The following CENPF variants were observed in gnomAD, a reference collection of about 807,000 sequenced individuals.
CENPF encodes the protein AH antigen.
A neutral mutation model predicts 307.3 loss-of-function variants in CENPF; 214 were observed. The observed-to-expected ratio is 0.70, with a 90% CI of 0.62 to 0.78. CENPF has a LOEUF of 0.78. Among genes scored for constraint, CENPF ranks in the 30% least tolerant of loss-of-function variants. CENPF has a pLI of 0.00. For missense variants in CENPF, 3,401 were observed against 3,483.9 expected, an observed-to-expected ratio of 0.98 and a Z score of 0.60; for synonymous variants, 1,259 against 1,270.6, an observed-to-expected ratio of 0.99 and a Z score of 0.19.
Position 214,646,239 on chromosome 1 carries a change from A to G in CENPF, c.6669A>G (p.Gln2223=). 6.2e-7 allele frequency: 1 copy of G among 1,613,666 alleles called. No individual in the cohort carries two copies. Residue 2223 remains glutamine (Q), a synonymous_variant, in exon 13 of 20, where the codon CAA becomes CAG. Transcript: ENST00000366955. The part of the protein sequence containing the change: ...ENLTKQIQEK[Q]GQLSELDKLL... Reference sequence around the variant, plus strand: ...TGACAAAACAAATACAAGAAAAACAAGGTCAGTTGTCAGAACTAGACAAGT... The same window carrying G: ...TGACAAAACAAATACAAGAAAAACAGGGTCAGTTGTCAGAACTAGACAAGT...
rs1050196002 is a variant in CENPF, at chr1:214,658,833, A to G, written c.8963-17A>G. The G allele has an allele frequency of 6.2e-7, 1 of 1,605,472 alleles. No individual in the cohort carries two copies. The highest frequency in any genetic ancestry group is 8.5e-7 in the Non-Finnish European group (1 of 1,173,954). ...ATTGGACCTAGCAGTGCTGACAGTT[A>G]TTTTTTTTGCCCTTAGGGTTTGCTG... On this transcript the variant is annotated splice_polypyrimidine_tract_variant and intron_variant, in intron 18 of 19. Coordinates refer to ENST00000366955, the MANE Select transcript of CENPF (RefSeq NM_016343.4).
intron 7 of CENPF, among the ~76,000 whole-genome samples, chr1:214,622,728 T>TTAA (rs1448360680): frequency 1.4e-5 from 2 of 140,474 alleles, no homozygotes; most frequent in Admixed American, 1.4e-4. Context: ...GGATCGTAAG[T>TTAA]ATTTAGGGGG....
Position 214,603,244 on chromosome 1 carries a change from G to C in CENPF, c.-119G>C, listed in dbSNP as rs959717251. The C allele has an allele frequency of 6.6e-6, 1 of 152,428 alleles. No homozygotes were observed. Among genetic ancestry groups the C allele is most frequent in the African/African-American group, 2.4e-5 (1 of 41,468 alleles). The allele number at this position is 152,428 out of a possible 1,614,324, so 9.4% of individuals were successfully genotyped here. ...TGGCGGCTGCGGGCAGTTTGAATTA[G>C]ACTCTGGGCTCCAGCCCGCCGAAGC... On this transcript the variant is annotated 5_prime_UTR_variant, in exon 1 of 20. Coordinates refer to ENST00000366955, the MANE Select transcript of CENPF (RefSeq NM_016343.4).
At chr1:214,654,377 A>C (rs1002543677) in intron 16 of CENPF, 4 of 152,464 alleles carry the variant, frequency 2.6e-5, no homozygotes, top group African/African-American at 9.7e-5. Context: ...ATTTGAGACC[A>C]GCCTGGGCAA....
rs773306488 is a variant in CENPF at position 214,642,666 on chromosome 1, A to C, written c.4328A>C (p.Lys1443Thr). 6.2e-7 allele frequency: 1 copy of C among 1,614,156 alleles called. No homozygotes were observed. The highest frequency in any genetic ancestry group is 8.5e-7 in the Non-Finnish European group (1 of 1,180,018). Residue 1443 changes from lysine (K) to threonine (T), a missense_variant, in exon 12 of 20, where the codon AAG becomes ACG. By Grantham distance (78) the Lys-to-Thr change is moderately conservative. Transcript: ENST00000366955. ...SELQTYVDSL[K>T]AENLVLSTNL... ...CTGCAGACCTATGTTGACTCATTAAAGGCCGAAAATTTGGTCTTGTCAACG... is the reference window on the plus strand; with the variant it reads ...CTGCAGACCTATGTTGACTCATTAACGGCCGAAAATTTGGTCTTGTCAACG...
intron 1 of CENPF, among the ~76,000 whole-genome samples, chr1:214,611,524 C>A (rs1366869352): frequency 6.6e-6 from 1 of 152,174 alleles, no homozygotes. Flanking sequence ...TGCCACCACA[C>A]CCAGCTAATC....
At chr1:214,621,065 A>G in intron 6 of CENPF, 119 bp downstream of exon 6, 2 of 817,826 alleles carry the variant, frequency 2.4e-6, no homozygotes, top group Middle Eastern at 7.2e-4. Flanking sequence ...TCGGTGTTCA[A>G]CATCCTAGAC....
chr1:214,627,259 A>G (rs1346491434), intron 7 of CENPF, among the ~76,000 whole-genome samples: 2 of 151,298 alleles, frequency 1.3e-5, no homozygotes, highest in African/African-American at 4.9e-5. Context: ...GAGGTTCACC[A>G]TGTTGCCCAA....
chr1:214,661,517 GCA>G (rs1391345936), intron 19 of CENPF, among the ~76,000 whole-genome samples: 1 of 152,182 alleles, frequency 6.6e-6, no homozygotes, highest in Non-Finnish European at 1.5e-5. Flanking sequence ...AGGTCATTTA[GCA>G]AGACCTTTAG....
chr1:214,645,206 G>T lies in CENPF; in HGVS notation c.5636G>T (p.Arg1879Leu), dbSNP rs555193833. The T allele has an allele frequency of 2.5e-5, 41 of 1,614,006 alleles. No individual in the cohort carries two copies. The South Asian group carries it at 3.6e-4, about 14-fold the overall frequency. ...DLEMHADKSS[R>L]EDIGDNVAKV... is the part of the protein sequence containing the mutation. ...GAAATGCATGCAGATAAATCATCAC[G>T]TGAAGATATTGGAGATAATGTGGCC... The change falls in exon 13 of 20, where the codon CGT becomes CTT. Residue 1879 changes from arginine to leucine, a missense_variant. By Grantham distance (102) the Arg-to-Leu change is moderately radical. Transcript: ENST00000366955.
intron 11 of CENPF, among the ~76,000 whole-genome samples, chr1:214,639,097 T>C (rs1658036917): frequency 1.3e-5 from 2 of 152,226 alleles, no homozygotes; most frequent in Non-Finnish European, 1.5e-5. Context: ...TCTGAGATTG[T>C]AATACATGTT....
intron 11 of CENPF, among the ~76,000 whole-genome samples, 195 bp downstream of exon 11, chr1:214,638,196 T>A (rs1439656776): frequency 6.6e-6 from 1 of 152,156 alleles, no homozygotes; most frequent in Non-Finnish European, 1.5e-5. Context: ...GGACTTTTTT[T>A]AATTGGAACA....
chr1:214,657,197 C>T lies in CENPF; in HGVS notation c.8750C>T (p.Thr2917Ile). The T allele has an allele frequency of 6.2e-7, 1 of 1,614,132 alleles. No individual in the cohort carries two copies. Among genetic ancestry groups the T allele is most frequent in the African/African-American group, 1.3e-5 (1 of 75,032 alleles). Reference sequence around the variant, plus strand: ...GGACCATCTCCAATCCCTTCTGTTACTGAAAAGAGGTTATCATCTGGCCAA... The same window carrying T: ...GGACCATCTCCAATCCCTTCTGTTATTGAAAAGAGGTTATCATCTGGCCAA... Reference protein sequence around the residue: ...VPGPSPIPSVTEKRLSSGQNK... With the variant: ...VPGPSPIPSVIEKRLSSGQNK... The change falls in exon 18 of 20, where the codon ACT (threonine) becomes ATT (isoleucine). Residue 2917 changes from threonine (T) to isoleucine (I), a missense_variant. Coordinates refer to ENST00000366955, the MANE Select transcript of CENPF (RefSeq NM_016343.4).
intron 1 of CENPF, among the ~76,000 whole-genome samples, chr1:214,609,976 T>C (rs1023333991): frequency 1.3e-5 from 2 of 152,080 alleles, no homozygotes; most frequent in African/African-American, 2.4e-5. Context: ...ATGTCTTTGC[T>C]ATTGTGAACA....
intron 7 of CENPF, among the ~76,000 whole-genome samples, chr1:214,626,989 C>T (rs1182938014): frequency 2.0e-5 from 3 of 152,216 alleles, no homozygotes; most frequent in Non-Finnish European, 4.4e-5. Context: ...AGTTTCTTCA[C>T]ATAAAATCGT....
At chr1:214,656,742 T>C (rs1658641557) in intron 17 of CENPF, among the ~76,000 whole-genome samples, 191 bp from the exon 18 acceptor site, 1 of 152,154 alleles carries the variant, frequency 6.6e-6, no homozygotes, top group Non-Finnish European at 1.5e-5. Flanking sequence ...GACTAGAATA[T>C]CTGCCTTGAT....
intron 1 of CENPF, chr1:214,612,981 C>T: frequency 3.3e-6 from 1 of 306,766 alleles, no homozygotes; most frequent in South Asian, 4.0e-5. Context: ...CCCTGTCCTT[C>T]AGGCAGCTGA....
chr1:214,639,896 A>G, intron 11 of CENPF, 25 bp from the exon 12 acceptor site: 2 of 1,447,316 alleles, frequency 1.4e-6, no homozygotes, highest in Admixed American at 5.3e-5. Flanking sequence ...ACAAACATTG[A>G]CGACTTTTAT....
rs435043 is a variant in CENPF at position 214,655,469 on chromosome 1, A to G, written c.8485+66A>G. 0.58 allele frequency: 782,590 copies of G among 1,356,234 alleles called. 230,801 individuals are homozygous for G. The highest frequency in any genetic ancestry group is 0.88 in the East Asian group (35,759 of 40,698). The allele number at this position is 1,356,234 out of a possible 1,614,324, so 84.0% of individuals were successfully genotyped here. On this transcript the variant is annotated intron_variant, in intron 17 of 19. Coordinates refer to ENST00000366955, the MANE Select transcript of CENPF (RefSeq NM_016343.4). ...TTCCAGTAGTGAAATAACATATGGT[A>G]TGCGTGCATAGGAACTATTTTTAGT...
Sources: gnomAD v4.1 joint callset for allele counts (sites outside exome capture counted in the v4.1 genomes callset) on GRCh38, gnomAD v4.1.1 for gene constraint, MANE v1.5 for transcripts, NCBI Gene and HGNC (gene_info 2026-07-23, HGNC 2026-07-21) for gene names.